STK32B: variants seen among roughly 807,000 people sequenced by gnomAD.
STK32B encodes serine/threonine kinase 32B.
In STK32B, 43 loss-of-function variants were observed where a neutral mutation model predicts 52.6. The ratio of observed to expected loss-of-function variants is 0.82; its 90% CI spans 0.64 to 1.05. STK32B has a LOEUF of 1.05. STK32B is among the 50% of genes least tolerant of loss of function. STK32B has a pLI of 0.00. For synonymous variants in STK32B, 238 were observed against 204.3 expected, an observed-to-expected ratio of 1.17 and a Z score of -1.41; for missense variants, 621 against 534.6, an observed-to-expected ratio of 1.16 and a Z score of -1.59.
At chr4:5,494,563 T>A (rs1053454758) in intron 11 of STK32B, among the ~76,000 whole-genome samples, 1 of 152,206 alleles carries the variant, frequency 6.6e-6, no homozygotes, top group Non-Finnish European at 1.5e-5. Flanking sequence ...TTGGAGCATT[T>A]AGCCCATTTA....
chr4:5,423,952 T>C (rs971527817), intron 6 of STK32B, among the ~76,000 whole-genome samples: 1 of 152,080 alleles, frequency 6.6e-6, no homozygotes, highest in Non-Finnish European at 1.5e-5. Context: ...CAGCTGTAGA[T>C]ACTCAGCTGC....
intron 3 of STK32B, among the ~76,000 whole-genome samples, chr4:5,251,838 T>G (rs1725955815): frequency 6.6e-6 from 1 of 152,206 alleles, no homozygotes; most frequent in Non-Finnish European, 1.5e-5. Context: ...TCTCTTAATT[T>G]GTTTTGTAAC....
At chr4:5,224,505 C>T (rs983394964) in intron 3 of STK32B, among the ~76,000 whole-genome samples, 2 of 152,214 alleles carry the variant, frequency 1.3e-5, no homozygotes, top group Non-Finnish European at 2.9e-5. Context: ...GACTCACTGT[C>T]CCCAAGCTCC....
chr4:5,219,120 T>A (rs1723363347), intron 3 of STK32B, among the ~76,000 whole-genome samples: 2 of 152,264 alleles, frequency 1.3e-5, no homozygotes. Flanking sequence ...TTTTCTGATG[T>A]CACTTAGCTT....
chr4:5,113,783 T>TA (rs1560157978), intron 1 of STK32B, among the ~76,000 whole-genome samples: 1 of 152,232 alleles, frequency 6.6e-6, no homozygotes, highest in East Asian at 1.9e-4. Flanking sequence ...CTGGGCAATT[T>TA]AAAAAAGAAA....
the STK32B span, among the ~76,000 whole-genome samples, chr4:5,043,198 A>G: frequency 6.6e-6 from 1 of 151,598 alleles, no homozygotes; most frequent in Admixed American, 6.6e-5. Context: ...AGGAGGAGAA[A>G]GGAGCTCTTT....
At chr4:5,486,106 G>A (rs114529776) in intron 11 of STK32B, among the ~76,000 whole-genome samples, 19 of 152,228 alleles carry the variant, frequency 1.2e-4, no homozygotes, top group Middle Eastern at 3.4e-3. Flanking sequence ...CACTACTTTC[G>A]GGGAAGCTGT....
chr4:5,420,678 A>T (rs775652484), intron 6 of STK32B, among the ~76,000 whole-genome samples: 35 of 152,160 alleles, frequency 2.3e-4, no homozygotes, highest in Non-Finnish European at 2.5e-4. Flanking sequence ...AGGCTCAAGA[A>T]TGCTGTGCTG....
intron 3 of STK32B, among the ~76,000 whole-genome samples, chr4:5,309,257 G>T (rs1403342298): frequency 6.6e-6 from 1 of 152,000 alleles, no homozygotes; most frequent in African/African-American, 2.4e-5. Context: ...CAGAAAAATG[G>T]AAAGTTATCT....
chr4:5,124,467 G>T (rs1376787538), intron 1 of STK32B, among the ~76,000 whole-genome samples: 1 of 152,138 alleles, frequency 6.6e-6, no homozygotes, highest in Non-Finnish European at 1.5e-5. Flanking sequence ...CAGAAAGTGA[G>T]GGCTTGGGTG....
At chr4:5,042,217 T>C in the STK32B span, among the ~76,000 whole-genome samples, 1 of 152,242 alleles carries the variant, frequency 6.6e-6, no homozygotes, top group African/African-American at 2.4e-5. Flanking sequence ...AAGAGTCATG[T>C]GCTCAACCCC....
chr4:5,157,299 TA>T (rs59362249), intron 2 of STK32B, among the ~76,000 whole-genome samples: 41,660 of 101,492 alleles, frequency 0.41, 6,362 homozygotes, highest in African/African-American at 0.46. Flanking sequence ...TGTGAGGATG[TA>T]AAAAAAAAAA....
At chr4:5,067,748 G>C (rs1742478509) in intron 1 of STK32B, among the ~76,000 whole-genome samples, 1 of 151,996 alleles carries the variant, frequency 6.6e-6, no homozygotes, top group South Asian at 2.1e-4. Context: ...GGTCTAATTG[G>C]CTCATGGTTC....
intron 3 of STK32B, among the ~76,000 whole-genome samples, chr4:5,205,702 G>GCA (rs1165071557): frequency 2.7e-5 from 2 of 75,278 alleles, no homozygotes; most frequent in East Asian, 5.0e-4. Flanking sequence ...AGGCGCGCGC[G>GCA]CGTGTGTGTG....
intron 3 of STK32B, among the ~76,000 whole-genome samples, chr4:5,297,635 GTTTT>G (rs200463444): frequency 0.14 from 18,126 of 126,946 alleles, 2,363 homozygotes; most frequent in African/African-American, 0.37. Context: ...GGTCATTTAT[GTTTT>G]TTTTTTTTTT....
intron 1 of STK32B, among the ~76,000 whole-genome samples, chr4:5,095,282 T>C (rs187575211): frequency 6.6e-6 from 1 of 152,228 alleles, no homozygotes; most frequent in East Asian, 1.9e-4. Context: ...CTTAAGGTGA[T>C]ATGGTTTTAA....
At chr4:5,272,970 C>G (rs1378372790) in intron 3 of STK32B, among the ~76,000 whole-genome samples, 1 of 145,660 alleles carries the variant, frequency 6.9e-6, no homozygotes, top group Non-Finnish European at 1.5e-5. Flanking sequence ...GCAATGGCAA[C>G]AAAAGACAAA....
rs1288046293 is a variant in STK32B at position 5,470,427 on chromosome 4, T to C, written c.1106+2357T>C. ...TGACAATGGGGAGCCACAGAGAGCA[T>C]GGCTATGGGGGAAGCTGTTGGCTGA... On this transcript the variant is annotated intron_variant, in intron 11 of 11. Coordinates refer to ENST00000282908, the MANE Select transcript of STK32B (RefSeq NM_018401.3). The surrounding 1 kb of genome is among the most constrained non-coding windows in gnomAD (Gnocchi z 4.6). 6.6e-6 allele frequency among the ~76,000 whole-genome samples: 1 copy of C among 152,130 alleles called. No individual in the cohort carries two copies.
chr4:5,406,942 A>C (rs908932149), intron 5 of STK32B, among the ~76,000 whole-genome samples: 4 of 152,092 alleles, frequency 2.6e-5, no homozygotes, highest in African/African-American at 9.7e-5. Context: ...TCCCAAGAAA[A>C]TGGGTTTTTC....
Sources: allele counts gnomAD v4.1 joint callset (sites outside exome capture counted in the v4.1 genomes callset), GRCh38; gene constraint gnomAD v4.1.1; non-coding constraint Gnocchi (gnomAD v3.1); transcripts MANE v1.5; gene names NCBI Gene and HGNC (gene_info 2026-07-23, HGNC 2026-07-21).